The following CDC42EP3 variants were observed in gnomAD, a reference collection of about 807,000 sequenced individuals.
CDC42EP3 encodes the protein CDC42 effector protein (Rho GTPase binding) 3.
In CDC42EP3, 4 loss-of-function variants were observed where a neutral mutation model predicts 15.5. That is an observed-to-expected ratio of 0.26 (90% CI 0.13 to 0.59). The LOEUF (loss-of-function observed/expected upper bound fraction) is 0.59, where lower values mean the gene tolerates loss of function less well. Ranked by LOEUF, CDC42EP3 falls within the 20% of genes least tolerant of loss-of-function variation. The pLI is 0.89. For synonymous variants in CDC42EP3, 145 were observed against 130.3 expected, an observed-to-expected ratio of 1.11 and a Z score of -0.77; for missense variants, 309 against 311.2, an observed-to-expected ratio of 0.99 and a Z score of 0.05.
chr2:37,642,411 G>T lies in CDC42EP3; in HGVS notation c.*3412C>A, dbSNP rs1665297890. ...AAACTTCTCTTATTTTGCTGGATAT[G>T]GCTGTCTAGTGGGTGGCTTACTGAC... On this transcript the variant is annotated 3_prime_UTR_variant, in exon 2 of 2. Transcript: ENST00000295324. 1 of 152,220 alleles carries T rather than the reference G, an allele frequency of 6.6e-6. No homozygotes were observed. The highest frequency in any genetic ancestry group is 2.1e-4 in the South Asian group (1 of 4,828). The allele number at this position is 152,220 out of a possible 1,614,324, so 9.4% of individuals were successfully genotyped here. A position where few individuals can be genotyped will look rare whatever the true frequency, so the allele number is the denominator to read the frequency against.
intron 1 of CDC42EP3, among the ~76,000 whole-genome samples, chr2:37,660,138 A>G (rs996449267): frequency 3.9e-5 from 6 of 152,372 alleles, no homozygotes; most frequent in East Asian, 1.9e-4. Flanking sequence ...AAATGAGACC[A>G]GACTATCTAC....
intron 1 of CDC42EP3, among the ~76,000 whole-genome samples, chr2:37,656,599 C>G (rs183782394): frequency 4.6e-5 from 7 of 152,310 alleles, no homozygotes; most frequent in Admixed American, 2.6e-4. Flanking sequence ...CAGAGCATAC[C>G]TCTTAGGAAG....
Position 37,662,430 on chromosome 2 carries a change from T to C in CDC42EP3, c.-236+8996A>G, listed in dbSNP as rs533857432. On this transcript the variant is annotated intron_variant, in intron 1 of 1. Coordinates refer to ENST00000295324, the MANE Select transcript of CDC42EP3 (RefSeq NM_006449.5). ...ATGAGCTGGAAGCTCATGGTGGGGA[T>C]TCCTTTTAACCTTACTCCTTTTAGA... 3.5e-4 allele frequency among the ~76,000 whole-genome samples: 54 copies of C among 152,346 alleles called. 1 individual carries two copies. The South Asian group carries it at 6.2e-3, about 18-fold the overall frequency.
At chr2:37,648,817 C>T (rs930555564) in intron 1 of CDC42EP3, among the ~76,000 whole-genome samples, 7 of 152,082 alleles carry the variant, frequency 4.6e-5, no homozygotes, top group Non-Finnish European at 5.9e-5. Context: ...GTCCTGGCCT[C>T]GGGCCCCCTG....
At chr2:37,659,161 A>G (rs1455926914) in intron 1 of CDC42EP3, among the ~76,000 whole-genome samples, 1 of 152,232 alleles carries the variant, frequency 6.6e-6, no homozygotes, top group Non-Finnish European at 1.5e-5. Context: ...TGGGAGAGAG[A>G]ACGGAGATCT....
At position 37,644,513 on chromosome 2, in the gene CDC42EP3, C is replaced by T. The variant is rs1048006760; in HGVS notation, c.*1310G>A. The T allele has an allele frequency of 6.6e-6, 1 of 151,582 alleles. No homozygotes were observed. Among genetic ancestry groups the T allele is most frequent in the African/African-American group, 2.4e-5 (1 of 41,204 alleles). The allele number at this position is 151,582 out of a possible 1,614,324, so 9.4% of individuals were successfully genotyped here. On this transcript the variant is annotated 3_prime_UTR_variant, in exon 2 of 2. Transcript: ENST00000295324. ...ATATGGCACTTTCTGCGTGAAAAGACATTTGCCTTACAGGGATGAAACTGG... is the reference window on the plus strand; with the variant it reads ...ATATGGCACTTTCTGCGTGAAAAGATATTTGCCTTACAGGGATGAAACTGG...
rs566110212 is a variant in CDC42EP3 at position 37,647,014 on chromosome 2, A to C, written c.-235-192T>G. 5.9e-5 allele frequency among the ~76,000 whole-genome samples: 9 copies of C among 152,334 alleles called. No individual in the cohort carries two copies. The South Asian group carries it at 6.2e-4, about 11-fold the overall frequency. ...GGAAAGAGAAAGACCTAAAAACCCC[A>C]TATCTATGACACCAGTACTTTTTAG... On this transcript the variant is annotated intron_variant, in intron 1 of 1. Coordinates refer to ENST00000295324, the MANE Select transcript of CDC42EP3 (RefSeq NM_006449.5).
intron 1 of CDC42EP3, among the ~76,000 whole-genome samples, chr2:37,670,140 T>C (rs564520945): frequency 8.5e-5 from 13 of 152,184 alleles, no homozygotes; most frequent in Non-Finnish European, 1.5e-4. Context: ...AGGGATACCT[T>C]TGGGGCATCA....
intron 1 of CDC42EP3, among the ~76,000 whole-genome samples, chr2:37,659,740 C>G (rs1368977138): frequency 6.6e-6 from 1 of 152,084 alleles, no homozygotes; most frequent in Non-Finnish European, 1.5e-5. Flanking sequence ...GCTCATTTGG[C>G]CTAAAATGTA....
At chr2:37,667,431 T>C (rs1666281420) in intron 1 of CDC42EP3, among the ~76,000 whole-genome samples, 1 of 152,170 alleles carries the variant, frequency 6.6e-6, no homozygotes, top group African/African-American at 2.4e-5. Context: ...CCCCAGAATT[T>C]TGAAGCGAGC....
chr2:37,651,919 TA>T (rs1283865015), intron 1 of CDC42EP3, among the ~76,000 whole-genome samples: 1 of 152,032 alleles, frequency 6.6e-6, no homozygotes, highest in African/African-American at 2.4e-5. Flanking sequence ...CTCAAGCCTG[TA>T]ATCCCAGCAC....
Position 37,644,682 on chromosome 2 carries a change from A to G in CDC42EP3, c.*1141T>C, listed in dbSNP as rs970281600. ...CATTTTTCCAAAAGTAGAGAGGCTC[A>G]GTTTCTAGCCTCTCAAACCATAAGG... On this transcript the variant is annotated 3_prime_UTR_variant, in exon 2 of 2. Transcript: ENST00000295324. 2.6e-5 allele frequency: 4 copies of G among 152,082 alleles called. No individual in the cohort carries two copies. Among genetic ancestry groups the G allele is most frequent in the African/African-American group, 9.7e-5 (4 of 41,398 alleles). The allele number at this position is 152,082 out of a possible 1,614,324, so 9.4% of individuals were successfully genotyped here.
At chr2:37,661,396 T>C (rs1317674527) in intron 1 of CDC42EP3, among the ~76,000 whole-genome samples, 1 of 152,154 alleles carries the variant, frequency 6.6e-6, no homozygotes, top group Non-Finnish European at 1.5e-5. Flanking sequence ...ATCTTATTAA[T>C]AGGGCAAGTG....
chr2:37,655,470 C>T (rs1165274942), intron 1 of CDC42EP3, among the ~76,000 whole-genome samples: 1 of 152,160 alleles, frequency 6.6e-6, no homozygotes, highest in Admixed American at 6.5e-5. Context: ...ACCAAGTCTG[C>T]ACTTTTGAAC....
rs755521098 is a variant in CDC42EP3 at position 37,646,213 on chromosome 2, T to C, written c.375A>G (p.Pro125=). ...ACTCCTGTTTGGAATTAAATGTCAC[T>C]GGTGACAATAAGGGCAACATGAGAG... ...SQALMLPLLS[P]VTFNSKQESF... is the part of the protein sequence containing the mutation. The change falls in exon 2 of 2, where the codon CCA becomes CCG. Residue 125 remains proline (P), a synonymous_variant. Coordinates refer to ENST00000295324, the MANE Select transcript of CDC42EP3 (RefSeq NM_006449.5). 10 of 1,614,046 alleles carry C rather than the reference T, an allele frequency of 6.2e-6. No homozygotes were observed. Among genetic ancestry groups the C allele is most frequent in the Non-Finnish European group, 8.5e-6 (10 of 1,180,024 alleles).
At chr2:37,649,586 C>T (rs1197077406) in intron 1 of CDC42EP3, among the ~76,000 whole-genome samples, 1 of 149,364 alleles carries the variant, frequency 6.7e-6, no homozygotes, top group Non-Finnish European at 1.5e-5. Context: ...GGAGGAAGAG[C>T]AAAGGGGGAG....
intron 1 of CDC42EP3, among the ~76,000 whole-genome samples, chr2:37,659,791 A>G (rs1367603833): frequency 6.6e-6 from 1 of 152,226 alleles, no homozygotes; most frequent in Non-Finnish European, 1.5e-5. Flanking sequence ...GTCTATAGAA[A>G]AGGGTTGTTT....
At chr2:37,658,262 A>C (rs965233735) in intron 1 of CDC42EP3, among the ~76,000 whole-genome samples, 9 of 152,218 alleles carry the variant, frequency 5.9e-5, no homozygotes, top group African/African-American at 2.2e-4. Context: ...GTTGGAAGCA[A>C]GATCTTTTTG....
At chr2:37,654,136 C>G (rs1665775325) in intron 1 of CDC42EP3, among the ~76,000 whole-genome samples, 1 of 152,164 alleles carries the variant, frequency 6.6e-6, no homozygotes, top group Non-Finnish European at 1.5e-5. Context: ...GTACCCTCCG[C>G]CGCCTCCCTA....
Sources: gnomAD v4.1 joint callset for allele counts (sites outside exome capture counted in the v4.1 genomes callset) on GRCh38, gnomAD v4.1.1 for gene constraint, MANE v1.5 for transcripts, NCBI Gene and HGNC (gene_info 2026-07-23, HGNC 2026-07-21) for gene names.